ATP12A: variants seen among roughly 807,000 people sequenced by gnomAD.
The protein encoded by ATP12A is potassium-transporting ATPase alpha chain 2.
Under a neutral mutation model 111.2 loss-of-function variants are expected in ATP12A, and 81 were observed. The observed-to-expected ratio is 0.73, with a 90% CI of 0.61 to 0.88. ATP12A has a LOEUF of 0.88. Ranked by LOEUF, ATP12A falls within the 40% of genes least tolerant of loss-of-function variation. ATP12A has a pLI of 0.00. For missense variants in ATP12A, 1,196 were observed against 1,313.1 expected, an observed-to-expected ratio of 0.91 and a Z score of 1.38; for synonymous variants, 498 against 499.8, an observed-to-expected ratio of 1.00 and a Z score of 0.05.
chr13:24,705,505 T>C (rs962951570), intron 14 of ATP12A, among the ~76,000 whole-genome samples: 50 of 152,284 alleles, frequency 3.3e-4, no homozygotes, highest in African/African-American at 1.1e-3. Context: ...CAGCAGGCAA[T>C]AGCGCTGCTC....
At position 24,681,642 on chromosome 13, in the gene ATP12A, G is replaced by A; in HGVS notation, c.90G>A (p.Lys30=). The change falls in exon 2 of 23, where the codon AAG becomes AAA. Residue 30 remains lysine (K), a synonymous_variant. Transcript: ENST00000381946. ...VKTDKGDGKE[K]YRGLKNNCLE... is the part of the protein sequence containing the mutation. ...CAGACAAGGGGGATGGCAAGGAGAAGTATAGGGGTCTGAAGAACAACTGCC... is the reference window on the plus strand; with the variant it reads ...CAGACAAGGGGGATGGCAAGGAGAAATATAGGGGTCTGAAGAACAACTGCC... 6.2e-7 allele frequency: 1 copy of A among 1,614,236 alleles called. No individual in the cohort carries two copies. The highest frequency in any genetic ancestry group is 8.5e-7 in the Non-Finnish European group (1 of 1,180,046).
At chr13:24,682,165 T>TGTGTGTGGTGG in intron 2 of ATP12A, among the ~76,000 whole-genome samples, 1 of 118,626 alleles carries the variant, frequency 8.4e-6, no homozygotes. Flanking sequence ...GTGTGGTGTG[T>TGTGTGTGGTGG]GTATGTGTGT....
intron 3 of ATP12A, 115 bp from the exon 4 acceptor site, chr13:24,688,204 C>T: frequency 8.5e-7 from 1 of 1,178,200 alleles, no homozygotes; most frequent in South Asian, 1.7e-5. Flanking sequence ...CCTTCTTTGG[C>T]CACGTTAATG....
At chr13:24,684,470 G>T (rs987355855) in intron 2 of ATP12A, among the ~76,000 whole-genome samples, 1 of 152,158 alleles carries the variant, frequency 6.6e-6, no homozygotes, top group Admixed American at 6.5e-5. Flanking sequence ...CTGAGTGCTG[G>T]ACTTTCTAGG....
chr13:24,686,718 G>A (rs1009809943), intron 3 of ATP12A, among the ~76,000 whole-genome samples: 4 of 151,962 alleles, frequency 2.6e-5, no homozygotes, highest in South Asian at 2.1e-4. Context: ...CAGCCTGGGC[G>A]ACAGAGCGAG....
At position 24,690,290 on chromosome 13, in the gene ATP12A, C is replaced by T. The variant is rs777365406; in HGVS notation, c.547-48C>T. 46 of 1,602,752 alleles carry T rather than the reference C, an allele frequency of 2.9e-5. 1 individual carries two copies. The South Asian group carries it at 3.0e-4, about 11-fold the overall frequency. On this transcript the variant is annotated intron_variant, in intron 5 of 22. Transcript: ENST00000381946. ...GTGCGGCACAGACTTGGGGGAGGGC[C>T]GGTGTCCTTCCAGGGTCTGAGGCAT...
intron 14 of ATP12A, among the ~76,000 whole-genome samples, chr13:24,702,870 T>C (rs1875454747): frequency 6.6e-6 from 1 of 152,202 alleles, no homozygotes; most frequent in Non-Finnish European, 1.5e-5. Flanking sequence ...TGGCCTGGAC[T>C]GTGCCTGGTC....
At position 24,690,737 on chromosome 13, in the gene ATP12A, C is replaced by T. The variant is rs77066059; in HGVS notation, c.799+16C>T. On this transcript the variant is annotated intron_variant, in intron 7 of 22. Transcript: ENST00000381946. ...TGTCTGGAAGGTAAAAGGCCTCTGGCTCTCAGCCCACATGTCCACCTGTGT... is the reference window on the plus strand; with the variant it reads ...TGTCTGGAAGGTAAAAGGCCTCTGGTTCTCAGCCCACATGTCCACCTGTGT... 0.061 allele frequency: 98,361 copies of T among 1,601,656 alleles called. 3,429 individuals carry two copies. Among genetic ancestry groups the T allele is most frequent in the South Asian group, 0.12 (10,484 of 89,812 alleles).
Position 24,711,503 on chromosome 13 carries a change from A to T in ATP12A, c.3101A>T (p.Asp1034Val). The change falls in exon 23 of 23, where the codon GAT becomes GTT. Residue 1034 changes from aspartate to valine, a missense_variant. By Grantham distance (152) the Asp-to-Val change is radical (BLOSUM62 -3). Transcript: ENST00000381946. ...FIRLYPGSWWDKNMYY is the reference protein window; with the variant it reads ...FIRLYPGSWWVKNMYY ...TTTTCTACCTCTACAGGCTGGTGGGATAAGAACATGTATTATTAAGACCAC... is the reference window on the plus strand; with the variant it reads ...TTTTCTACCTCTACAGGCTGGTGGGTTAAGAACATGTATTATTAAGACCAC... 6.2e-7 allele frequency: 1 copy of T among 1,614,096 alleles called. No homozygotes were observed. The highest frequency in any genetic ancestry group is 8.5e-7 in the Non-Finnish European group (1 of 1,180,020).
chr13:24,706,415 GAC>G lies in ATP12A; in HGVS notation c.2123_2124del (p.Thr708IlefsTer27), dbSNP rs1875642172. The G allele has an allele frequency of 1.2e-6, 2 of 1,614,104 alleles. No individual in the cohort carries two copies. The highest frequency in any genetic ancestry group is 1.7e-6 in the Non-Finnish European group (2 of 1,180,054). Reference sequence around the variant, plus strand: ...ACTACCAGGAGATTGTCTTTGCCCGGACATCCCCCCAGCAGAAGCTGATCATT... The same window carrying G: ...ACTACCAGGAGATTGTCTTTGCCCGGATCCCCCCAGCAGAAGCTGATCATT... ...ANYQEIVFAR[T>X]SPQQKLIIVE... On this transcript the variant is annotated frameshift_variant, in exon 15 of 23. Coordinates refer to ENST00000381946, the MANE Select transcript of ATP12A (RefSeq NM_001676.7). LOFTEE classifies it high-confidence loss of function.
In ATP12A at chr13:24,690,324, GT is replaced by G. The variant is rs770679711; in HGVS notation, c.547-7del. 1.2e-6 allele frequency: 2 copies of G among 1,613,052 alleles called. No homozygotes were observed. Among genetic ancestry groups the G allele is most frequent in the African/African-American group, 2.7e-5 (2 of 74,750 alleles). ...TCCAGGGTCTGAGGCATCTGTCATG[GT>G]TTTTTTCTGCAGCAAGCTCTCGTCA... is the stretch of plus-strand genomic sequence containing the variant. On this transcript the variant is annotated splice_polypyrimidine_tract_variant and intron_variant, in intron 5 of 22. Transcript: ENST00000381946.
At chr13:24,694,279 G>A (rs9553420) in intron 10 of ATP12A, among the ~76,000 whole-genome samples, 165 bp from the exon 11 acceptor site, 37,311 of 152,088 alleles carry the variant, frequency 0.25, 4,950 homozygotes, top group East Asian at 0.47. Flanking sequence ...AGGTGGCACT[G>A]TTGTTTACAC....
chr13:24,692,911 G>C lies in ATP12A; in HGVS notation c.1377+15G>C. ...CCATCATGAAGGTAATGCTTCTGCAGCACTTGGTCTTAAATCACAGCCAGT... is the reference window on the plus strand; with the variant it reads ...CCATCATGAAGGTAATGCTTCTGCACCACTTGGTCTTAAATCACAGCCAGT... On this transcript the variant is annotated intron_variant, in intron 10 of 22. Coordinates refer to ENST00000381946, the MANE Select transcript of ATP12A (RefSeq NM_001676.7). 6.2e-7 allele frequency: 1 copy of C among 1,607,800 alleles called. No homozygotes were observed. Among genetic ancestry groups the C allele is most frequent in the East Asian group, 2.2e-5 (1 of 44,826 alleles).
At position 24,707,027 on chromosome 13, in the gene ATP12A, C is replaced by A. The variant is rs1875690092; in HGVS notation, c.2174C>A (p.Ala725Asp). The change falls in exon 16 of 23, where the codon GCT becomes GAT. Residue 725 changes from alanine (A) to aspartate (D), a missense_variant. Around this residue, in one of 3 missense-constraint regions of ATP12A, gnomAD observed 1,126 missense variants for 1,228.5 expected, o/e 0.92. Transcript: ENST00000381946. The stretch of plus-strand genomic sequence containing the variant: ...TCCCTGGGTCCCCCGCCATAGGATG[C>A]TGTTGTTGCTGTGACCGGGGATGGA... Reference protein sequence around the residue: ...IIVEGCQRQDAVVAVTGDGVN... With the variant: ...IIVEGCQRQDDVVAVTGDGVN... 1 of 1,599,010 alleles carries A rather than the reference C, an allele frequency of 6.3e-7. No individual in the cohort carries two copies.
At chr13:24,693,298 G>A (rs1017768663) in intron 10 of ATP12A, among the ~76,000 whole-genome samples, 3 of 151,994 alleles carry the variant, frequency 2.0e-5, no homozygotes, top group Non-Finnish European at 4.4e-5. Flanking sequence ...AGCTCTAAGG[G>A]GTCCTGGAAT....
At position 24,700,883 on chromosome 13, in the gene ATP12A, G is replaced by C; in HGVS notation, c.1842G>C (p.Val614=). 6.2e-7 allele frequency: 1 copy of C among 1,614,186 alleles called. No individual in the cohort carries two copies. The highest frequency in any genetic ancestry group is 1.7e-5 in the Admixed American group (1 of 60,018). Residue 614 remains valine (V), a synonymous_variant, in exon 13 of 23, where the codon GTG becomes GTC. Transcript: ENST00000381946. The part of the protein sequence containing the change: ...LSMIDPPRST[V]PDAVTKCRSA... ...TGATCGATCCCCCTCGGTCCACCGTGCCAGATGCAGTCACCAAATGCCGGA... is the reference window on the plus strand; with the variant it reads ...TGATCGATCCCCCTCGGTCCACCGTCCCAGATGCAGTCACCAAATGCCGGA...
chr13:24,680,973 A>G (rs1425246231), intron 1 of ATP12A, among the ~76,000 whole-genome samples: 1 of 152,190 alleles, frequency 6.6e-6, no homozygotes, highest in Non-Finnish European at 1.5e-5. Context: ...CTGGGGAAAG[A>G]AGCCAGTCCA....
At chr13:24,689,986 AGTG>A (rs1343671732) in intron 5 of ATP12A, among the ~76,000 whole-genome samples, 1 of 151,812 alleles carries the variant, frequency 6.6e-6, no homozygotes, top group East Asian at 1.9e-4. Flanking sequence ...GCTCACCCTT[AGTG>A]GTCTCCTTTT....
At chr13:24,709,654 C>G (rs779836382) in intron 18 of ATP12A, 29 bp from the exon 19 acceptor site, 1 of 1,611,464 alleles carries the variant, frequency 6.2e-7, no homozygotes, top group South Asian at 1.1e-5. Context: ...CATCATAGAA[C>G]CTGTGTCCTA....
Sources: allele counts gnomAD v4.1 joint callset (sites outside exome capture counted in the v4.1 genomes callset), GRCh38; gene constraint gnomAD v4.1.1; regional missense constraint gnomAD v4.1.1; transcripts MANE v1.5; gene names NCBI Gene and HGNC (gene_info 2026-07-23, HGNC 2026-07-21).